SIAH3: variants seen among roughly 807,000 people sequenced by gnomAD.
The protein encoded by SIAH3 is siah E3 ubiquitin protein ligase family member 3, also known as seven in absentia homolog 3.
Under a neutral mutation model 12.6 loss-of-function variants are expected in SIAH3, and 9 were observed. That is an observed-to-expected ratio of 0.72 (90% CI 0.43 to 1.25). SIAH3 has a LOEUF of 1.25. Among genes scored for constraint, SIAH3 ranks in the 50% most tolerant of loss-of-function variants. The pLI is 0.00. For synonymous variants in SIAH3, 154 were observed against 151.1 expected (o/e 1.02, Z -0.14); for missense variants, 390 against 365.4 (o/e 1.07, Z -0.55).
At chr13:45,784,321 A>G (rs1390837443) in intron 1 of SIAH3, among the ~76,000 whole-genome samples, 2 of 151,660 alleles carry the variant, frequency 1.3e-5, no homozygotes, top group East Asian at 3.9e-4. Flanking sequence ...TTAATAAGAT[A>G]CACAAGCAAA....
chr13:45,848,883 T>A (rs140343045), intron 1 of SIAH3, among the ~76,000 whole-genome samples: 1 of 152,306 alleles, frequency 6.6e-6, no homozygotes, highest in East Asian at 1.9e-4. Flanking sequence ...ACAGGTTTTA[T>A]TTTTTTCCTT....
In SIAH3 at chr13:45,783,802, G is replaced by A. The variant is rs1331019413; in HGVS notation, c.391C>T (p.His131Tyr). ...GCTCCCTGGAGGATGTCAACCCTAT[G>A]GATCTGCCGCAGGTGGGGCACCACC... The part of the protein sequence containing the change: ...EVVVPHLRQI[H>Y]RVDILQGAEI... Residue 131 changes from histidine (H) to tyrosine (Y), a missense_variant, in exon 2 of 2, where the codon CAT (histidine) becomes TAT (tyrosine). Coordinates refer to ENST00000400405, the MANE Select transcript of SIAH3 (RefSeq NM_198849.3). 6.2e-7 allele frequency: 1 copy of A among 1,614,232 alleles called. No homozygotes were observed. Among genetic ancestry groups the A allele is most frequent in the Non-Finnish European group, 8.5e-7 (1 of 1,180,042 alleles).
At chr13:45,820,113 T>C (rs1156543345) in intron 1 of SIAH3, among the ~76,000 whole-genome samples, 1 of 152,216 alleles carries the variant, frequency 6.6e-6, no homozygotes, top group Non-Finnish European at 1.5e-5. Context: ...TCCGCACGAC[T>C]TATGTGTCTC....
At chr13:45,813,969 T>C (rs1950625039) in intron 1 of SIAH3, among the ~76,000 whole-genome samples, 1 of 152,140 alleles carries the variant, frequency 6.6e-6, no homozygotes, top group Non-Finnish European at 1.5e-5. Flanking sequence ...CCGGGCACAG[T>C]GGCTCACGCC....
intron 1 of SIAH3, among the ~76,000 whole-genome samples, chr13:45,809,302 T>C (rs1950608577): frequency 6.8e-6 from 1 of 146,816 alleles, no homozygotes; most frequent in Admixed American, 6.9e-5. Flanking sequence ...TTATAGACTG[T>C]GGTCTGGAAA....
Position 45,845,965 on chromosome 13 carries a change from C to G in SIAH3, c.135+5530G>C, listed in dbSNP as rs956203658. Among the ~76,000 whole-genome samples the G allele has an allele frequency of 4.0e-5, 6 of 151,668 alleles. No homozygotes were observed. The East Asian group carries it at 1.2e-3, about 29-fold the overall frequency. On this transcript the variant is annotated intron_variant, in intron 1 of 1. Transcript: ENST00000400405. ...GGAGAGATAGGGTACAGGAAGGGGA[C>G]CCTTGCAAGTTTTCGCTCCCACACC...
At chr13:45,788,133 C>T (rs1412133987) in intron 1 of SIAH3, among the ~76,000 whole-genome samples, 1 of 152,102 alleles carries the variant, frequency 6.6e-6, no homozygotes, top group Non-Finnish European at 1.5e-5. Flanking sequence ...TCAGAATAAA[C>T]ACAACCTTAA....
At chr13:45,813,708 G>C (rs940814731) in intron 1 of SIAH3, among the ~76,000 whole-genome samples, 1 of 152,180 alleles carries the variant, frequency 6.6e-6, no homozygotes, top group Non-Finnish European at 1.5e-5. Flanking sequence ...CTGGTGTCTG[G>C]TGAGGGCCTG....
rs756445551 is a variant in SIAH3 at position 45,783,148 on chromosome 13, G to C, written c.*235C>G. ...CATTCTATAAAACAACACCAACAAGGCAGGACAAACATCACACCAAGATCT... is the reference window on the plus strand; with the variant it reads ...CATTCTATAAAACAACACCAACAAGCCAGGACAAACATCACACCAAGATCT... On this transcript the variant is annotated 3_prime_UTR_variant, in exon 2 of 2. Coordinates refer to ENST00000400405, the MANE Select transcript of SIAH3 (RefSeq NM_198849.3). The C allele has an allele frequency of 6.6e-6, 2 of 303,436 alleles. No individual in the cohort carries two copies. The highest frequency in any genetic ancestry group is 1.2e-5 in the Non-Finnish European group (2 of 169,378). 18.8% of individuals were successfully genotyped at this position (303,436 alleles called of 1,614,324 possible).
At chr13:45,805,734 A>G (rs1299522358) in intron 1 of SIAH3, among the ~76,000 whole-genome samples, 3 of 152,218 alleles carry the variant, frequency 2.0e-5, no homozygotes, top group Non-Finnish European at 4.4e-5. Context: ...AGTAGGACCT[A>G]ATTAAACTAA....
At chr13:45,798,174 T>C (rs77520966) in intron 1 of SIAH3, among the ~76,000 whole-genome samples, 3,963 of 152,354 alleles carry the variant, frequency 0.026, 173 homozygotes, top group African/African-American at 0.09. Flanking sequence ...TCGTAATTCC[T>C]TACTATTTAG....
At chr13:45,787,272 T>C (rs1039406149) in intron 1 of SIAH3, among the ~76,000 whole-genome samples, 2 of 152,120 alleles carry the variant, frequency 1.3e-5, no homozygotes, top group African/African-American at 4.8e-5. Flanking sequence ...CTGGGCTAAG[T>C]TTTGATGGGG....
At chr13:45,844,313 T>C (rs1005012162) in intron 1 of SIAH3, among the ~76,000 whole-genome samples, 23 of 152,200 alleles carry the variant, frequency 1.5e-4, no homozygotes, top group African/African-American at 5.3e-4. Context: ...CCCTCAGTGT[T>C]GGTGGGCACC....
intron 1 of SIAH3, among the ~76,000 whole-genome samples, chr13:45,839,270 G>A (rs1950730612): frequency 6.6e-6 from 1 of 151,134 alleles, no homozygotes; most frequent in Admixed American, 6.6e-5. Flanking sequence ...AAAGCAGCCT[G>A]TTTCATAGTA....
intron 1 of SIAH3, among the ~76,000 whole-genome samples, chr13:45,818,856 C>T (rs559268654): frequency 1.4e-4 from 22 of 152,312 alleles, no homozygotes; most frequent in Admixed American, 3.3e-4. Context: ...AGGTGGACAG[C>T]GGTGGGGGCC....
At chr13:45,840,942 A>T (rs1338313613) in intron 1 of SIAH3, among the ~76,000 whole-genome samples, 1 of 152,244 alleles carries the variant, frequency 6.6e-6, no homozygotes, top group Non-Finnish European at 1.5e-5. Context: ...ATAATGGAGA[A>T]TGATAACAAT....
chr13:45,791,175 A>G (rs1171215349), intron 1 of SIAH3, among the ~76,000 whole-genome samples: 2 of 152,088 alleles, frequency 1.3e-5, no homozygotes, highest in Non-Finnish European at 2.9e-5. Flanking sequence ...AGAAAAAAAA[A>G]AAGAAAAAAA....
intron 1 of SIAH3, among the ~76,000 whole-genome samples, chr13:45,832,807 C>A (rs1407245307): frequency 1.3e-5 from 2 of 152,198 alleles, no homozygotes; most frequent in African/African-American, 4.8e-5. Context: ...ACAAGTGTTC[C>A]AATTCCTCCA....
intron 1 of SIAH3, among the ~76,000 whole-genome samples, chr13:45,801,871 G>C (rs1950583504): frequency 6.6e-6 from 1 of 152,198 alleles, no homozygotes; most frequent in East Asian, 1.9e-4. Flanking sequence ...GATATCAAGG[G>C]GCAGCAGGGC....
Sources: gnomAD v4.1 joint callset for allele counts (sites outside exome capture counted in the v4.1 genomes callset) on GRCh38, gnomAD v4.1.1 for gene constraint, MANE v1.5 for transcripts, NCBI Gene and HGNC (gene_info 2026-07-23, HGNC 2026-07-21) for gene names.